The following HOXB2 variants were observed in gnomAD, a reference collection of about 807,000 sequenced individuals.
HOXB2 encodes homeobox protein Hox-B2.
Under a neutral mutation model 13.1 loss-of-function variants are expected in HOXB2, and 14 were observed. The observed-to-expected ratio is 1.07, with a 90% CI of 0.71 to 1.67. HOXB2 has a LOEUF of 1.67. Ranked by LOEUF, HOXB2 falls within the 40% of genes most tolerant of loss-of-function variation. The pLI, the probability that HOXB2 is intolerant of heterozygous loss-of-function variation, is 0.00. For synonymous variants in HOXB2, 261 were observed against 233.1 expected (o/e 1.12, Z -1.09); for missense variants, 582 against 488.3 (o/e 1.19, Z -1.81).
rs145349724 is a variant in HOXB2, at chr17:48,544,866, G to A, written c.46C>T (p.Pro16Ser). 274 of 1,612,532 alleles carry A rather than the reference G, an allele frequency of 1.7e-4. No individual in the cohort carries two copies. Among genetic ancestry groups the A allele is most frequent in the Non-Finnish European group, 2.2e-4 (258 of 1,179,788 alleles). The change falls in exon 1 of 2, where the codon CCG (proline) becomes TCG (serine). Residue 16 changes from proline to serine, a missense_variant. Pro to Ser is a moderately conservative substitution (Grantham distance 74). Transcript: ENST00000330070. ...EREIGFINSQ[P>S]SLAECLTSFP... ...GAAGTCAGACACTCGGCGAGCGACG[G>A]CTGGCTGTTTATAAACCCAATCTCC...
Position 48,544,632 on chromosome 17 carries a change from CG to C in HOXB2, c.279del (p.Glu94SerfsTer5), listed in dbSNP as rs2068548080. On this transcript the variant is annotated frameshift_variant, in exon 1 of 2. Transcript: ENST00000330070. LOFTEE classifies it high-confidence loss of function. ...PPPLPAAPPA[P>X]EFPWMKEKKS... ...TTCTTCTCTTTCATCCAAGGGAACT[CG>C]GGGGCCGGGGGGGCAGCGGGGAGTG... 6.8e-6 allele frequency: 11 copies of C among 1,611,174 alleles called. No homozygotes were observed. Among genetic ancestry groups the C allele is most frequent in the South Asian group, 1.1e-5 (1 of 90,972 alleles).
Position 48,545,035 on chromosome 17 carries a change from G to A in HOXB2, c.-124C>T. 4.9e-6 allele frequency: 4 copies of A among 820,076 alleles called. No individual in the cohort carries two copies. In the South Asian group the frequency reaches 7.9e-5, roughly 16 times the overall value. The allele number at this position is 820,076 out of a possible 1,614,324, so 50.8% of individuals were successfully genotyped here. A position where few individuals can be genotyped will look rare whatever the true frequency, so the allele number is the denominator to read the frequency against. ...GCGATTTTGGGAGGGGGAGATTTCG[G>A]TCTCTCTTTTTTTTAATTTTGGGCC... On this transcript the variant is annotated 5_prime_UTR_variant, in exon 1 of 2. Coordinates refer to ENST00000330070, the MANE Select transcript of HOXB2 (RefSeq NM_002145.4).
chr17:48,542,896 G>A lies in HOXB2; in HGVS notation c.*172C>T, dbSNP rs536077485. ...TGTGTGAATTTTAAAAGATAACCGAGTGCCCAATATTTTAGAAGAAGAAGA... is the reference window on the plus strand; with the variant it reads ...TGTGTGAATTTTAAAAGATAACCGAATGCCCAATATTTTAGAAGAAGAAGA... On this transcript the variant is annotated 3_prime_UTR_variant, in exon 2 of 2. Transcript: ENST00000330070. 11 of 451,508 alleles carry A rather than the reference G, an allele frequency of 2.4e-5. No homozygotes were observed. The South Asian group carries it at 8.4e-4, about 34-fold the overall frequency. The allele number at this position is 451,508 out of a possible 1,614,324, so 28.0% of individuals were successfully genotyped here.
chr17:48,544,983 T>C lies in HOXB2; in HGVS notation c.-72A>G. On this transcript the variant is annotated 5_prime_UTR_variant, in exon 1 of 2. Transcript: ENST00000330070. ...GGAGGATCGGAAGGGACCCCCCTCC[T>C]GCACCCCCCCCGATTTATGTAATGG... The C allele has an allele frequency of 8.4e-7, 1 of 1,185,720 alleles. No individual in the cohort carries two copies. Among genetic ancestry groups the C allele is most frequent in the Non-Finnish European group, 1.2e-6 (1 of 866,612 alleles). The allele number at this position is 1,185,720 out of a possible 1,614,324, so 73.4% of individuals were successfully genotyped here.
Position 48,544,633 on chromosome 17 carries a change from G to T in HOXB2, c.279C>A (p.Pro93=). 1 of 1,611,634 alleles carries T rather than the reference G, an allele frequency of 6.2e-7. No individual in the cohort carries two copies. Among genetic ancestry groups the T allele is most frequent in the Non-Finnish European group, 8.5e-7 (1 of 1,179,568 alleles). The change falls in exon 1 of 2, where the codon CCC becomes CCA. Residue 93 remains proline, a synonymous_variant. Coordinates refer to ENST00000330070, the MANE Select transcript of HOXB2 (RefSeq NM_002145.4). The part of the protein sequence containing the change: ...PPPLPAAPPA[P]EFPWMKEKKS... ...TCTTCTCTTTCATCCAAGGGAACTC[G>T]GGGGCCGGGGGGGCAGCGGGGAGTG... is the stretch of plus-strand genomic sequence containing the variant.
At position 48,544,560 on chromosome 17, in the gene HOXB2, C is replaced by T. The variant is rs371222032; in HGVS notation, c.352G>A (p.Ala118Thr). The change falls in exon 1 of 2, where the codon GCC becomes ACC. Residue 118 changes from alanine to threonine, a missense_variant. Ala to Thr is a moderately conservative substitution (Grantham distance 58). Coordinates refer to ENST00000330070, the MANE Select transcript of HOXB2 (RefSeq NM_002145.4). The stretch of plus-strand genomic sequence containing the variant: ...ACCCCGGAGGCCGGAACGGCGGAGG[C>T]GGCCGGAGAAGGAGACGTGGCGGAT... ...SQSATSPSPA[A>T]SAVPASGVGS... is the part of the protein sequence containing the mutation. The T allele has an allele frequency of 4.1e-5, 66 of 1,606,802 alleles. No individual in the cohort carries two copies. Among genetic ancestry groups the T allele is most frequent in the Non-Finnish European group, 4.9e-5 (58 of 1,179,892 alleles).
chr17:48,544,422 C>G, intron 1 of HOXB2, 99 bp downstream of exon 1: 2 of 1,461,006 alleles, frequency 1.4e-6, no homozygotes, highest in Non-Finnish European at 1.8e-6. Context: ...GGTAAGGAAC[C>G]CCAACAGGCT....
chr17:48,543,864 C>T (rs1598738762), intron 1 of HOXB2, 117 bp from the exon 2 acceptor site: 3 of 789,824 alleles, frequency 3.8e-6, no homozygotes, highest in Admixed American at 3.1e-5. Flanking sequence ...CACCCCACCC[C>T]CGCCCCCACC....
In HOXB2 at chr17:48,544,939, C is replaced by CGGG; in HGVS notation, c.-29_-28insCCC. The CGGG allele has an allele frequency of 3.1e-5, 13 of 414,242 alleles. No homozygotes were observed. The highest frequency in any genetic ancestry group is 4.6e-4 in the Middle Eastern group (1 of 2,178). 25.7% of individuals were successfully genotyped at this position (414,242 alleles called of 1,614,324 possible). Reference sequence around the variant, plus strand: ...CTTTCAATGGTGGGGGAGGGGGCTGCTGGGGGGGGCGTCAGGAGGGAGGAT... The same window carrying CGGG: ...CTTTCAATGGTGGGGGAGGGGGCTGCGGGTGGGGGGGGCGTCAGGAGGGAGGAT... On this transcript the variant is annotated 5_prime_UTR_variant, in exon 1 of 2. Transcript: ENST00000330070.
At chr17:48,543,961 G>T (rs780218965) in intron 1 of HOXB2, 7 of 1,313,366 alleles carry the variant, frequency 5.3e-6, no homozygotes, top group Non-Finnish European at 6.7e-6. Flanking sequence ...AAAGCATTCA[G>T]AGCCGCCCAC....
At position 48,544,757 on chromosome 17, in the gene HOXB2, G is replaced by C; in HGVS notation, c.155C>G (p.Thr52Ser). 1.2e-6 allele frequency: 2 copies of C among 1,614,162 alleles called. No individual in the cohort carries two copies. The highest frequency in any genetic ancestry group is 1.7e-6 in the Non-Finnish European group (2 of 1,180,038). ...LIPPPPPFEQ[T>S]FPSLQPGAST... ...GGCGCCGGGCTGGAGGCTGGGGAAG[G>C]TTTGCTCGAAAGGAGGAGGAGGAGG... Residue 52 changes from threonine (T) to serine (S), a missense_variant, in exon 1 of 2, where the codon ACC becomes AGC. Physicochemically the swap from Thr to Ser is moderately conservative, Grantham distance 58. Coordinates refer to ENST00000330070, the MANE Select transcript of HOXB2 (RefSeq NM_002145.4).
In HOXB2 at chr17:48,542,928, G is replaced by C; in HGVS notation, c.*140C>G. 1 of 535,964 alleles carries C rather than the reference G, an allele frequency of 1.9e-6. No homozygotes were observed. 33.2% of individuals were successfully genotyped at this position (535,964 alleles called of 1,614,324 possible). A position where few individuals can be genotyped will look rare whatever the true frequency, so the allele number is the denominator to read the frequency against. ...ATATTTTAGAAGAAGAAGAAAGGGA[G>C]TGGATTAAACGCTAATTCAGTAATA... On this transcript the variant is annotated 3_prime_UTR_variant, in exon 2 of 2. Transcript: ENST00000330070.
At position 48,544,811 on chromosome 17, in the gene HOXB2, G is replaced by A. The variant is rs150034228; in HGVS notation, c.101C>T (p.Thr34Ile). 3.7e-6 allele frequency: 6 copies of A among 1,613,900 alleles called. No homozygotes were observed. The African/African-American group carries it at 6.7e-5, about 18-fold the overall frequency. ...SFPAVLETFQTSSIKESTLIP... is the reference protein window; with the variant it reads ...SFPAVLETFQISSIKESTLIP... ...TAATGTCGACTCCTTGATTGATGAA[G>A]TTTGAAATGTCTCCAAGACAGCGGG... is the stretch of plus-strand genomic sequence containing the variant. The change falls in exon 1 of 2, where the codon ACT becomes ATT. Residue 34 changes from threonine to isoleucine, a missense_variant. Transcript: ENST00000330070.
In HOXB2 at chr17:48,544,964, T is replaced by C; in HGVS notation, c.-53A>G. 8.4e-7 allele frequency: 1 copy of C among 1,190,852 alleles called. No homozygotes were observed. Among genetic ancestry groups the C allele is most frequent in the Non-Finnish European group, 1.1e-6 (1 of 922,630 alleles). The allele number at this position is 1,190,852 out of a possible 1,614,324, so 73.8% of individuals were successfully genotyped here. A position where few individuals can be genotyped will look rare whatever the true frequency, so the allele number is the denominator to read the frequency against. On this transcript the variant is annotated 5_prime_UTR_variant, in exon 1 of 2. Coordinates refer to ENST00000330070, the MANE Select transcript of HOXB2 (RefSeq NM_002145.4). ...CTGGGGGGGGCGTCAGGAGGGAGGA[T>C]CGGAAGGGACCCCCCTCCTGCACCC...
rs1261296682 is a variant in HOXB2 at position 48,544,770 on chromosome 17, G to T, written c.142C>A (p.Pro48Thr). 4 of 1,606,710 alleles carry T rather than the reference G, an allele frequency of 2.5e-6. No individual in the cohort carries two copies. The highest frequency in any genetic ancestry group is 2.7e-5 in the African/African-American group (2 of 74,554). Reference sequence around the variant, plus strand: ...AGGCTGGGGAAGGTTTGCTCGAAAGGAGGAGGAGGAGGAATTAATGTCGAC... The same window carrying T: ...AGGCTGGGGAAGGTTTGCTCGAAAGTAGGAGGAGGAGGAATTAATGTCGAC... ...KESTLIPPPP[P>T]FEQTFPSLQP... The change falls in exon 1 of 2, where the codon CCT becomes ACT. Residue 48 changes from proline to threonine, a missense_variant. Pro to Thr is a conservative substitution (Grantham distance 38). Transcript: ENST00000330070.
chr17:48,544,727 G>A lies in HOXB2; in HGVS notation c.185C>T (p.Thr62Ile), dbSNP rs946546183. ...CTTTTGGCTCCTGGGTCTCTGAAGGGTGGAGGCGCCGGGCTGGAGGCTGGG... is the reference window on the plus strand; with the variant it reads ...CTTTTGGCTCCTGGGTCTCTGAAGGATGGAGGCGCCGGGCTGGAGGCTGGG... ...TFPSLQPGAS[T>I]LQRPRSQKRA... Residue 62 changes from threonine to isoleucine, a missense_variant, in exon 1 of 2, where the codon ACC becomes ATC. Coordinates refer to ENST00000330070, the MANE Select transcript of HOXB2 (RefSeq NM_002145.4). 1.2e-6 allele frequency: 2 copies of A among 1,614,134 alleles called. No homozygotes were observed. The highest frequency in any genetic ancestry group is 3.3e-5 in the Admixed American group (2 of 60,020).
rs752214609 is a variant in HOXB2 at position 48,543,354 on chromosome 17, G to A, written c.785C>T (p.Pro262Leu). 3.1e-6 allele frequency: 5 copies of A among 1,595,398 alleles called. No individual in the cohort carries two copies. Among genetic ancestry groups the A allele is most frequent in the Admixed American group, 3.5e-5 (2 of 57,904 alleles). The change falls in exon 2 of 2, where the codon CCT (proline) becomes CTT (leucine). Residue 262 changes from proline to leucine, a missense_variant. Physicochemically the swap from Pro to Leu is moderately conservative, Grantham distance 98. Transcript: ENST00000330070. ...VPGALSADPR[P>L]LAVRLEGAGA... ...TGCGCCCTCTAAGCGAACGGCTAAA[G>A]GCCGGGGGTCCGCGCTTAAGGCCCC...
At position 48,545,109 on chromosome 17, in the gene HOXB2, T is replaced by C; in HGVS notation, c.-198A>G. 2 of 485,720 alleles carry C rather than the reference T, an allele frequency of 4.1e-6. No homozygotes were observed. Among genetic ancestry groups the C allele is most frequent in the Non-Finnish European group, 7.1e-6 (2 of 281,260 alleles). 30.1% of individuals were successfully genotyped at this position (485,720 alleles called of 1,614,324 possible). ...AATACAAGCGTATGGGGACTCTCTC[T>C]ATTAAACCCAGGACTCCAGCGAAAT... is the stretch of plus-strand genomic sequence containing the variant. On this transcript the variant is annotated 5_prime_UTR_variant, in exon 1 of 2. Transcript: ENST00000330070.
Position 48,543,018 on chromosome 17 carries a change from T to G in HOXB2, c.*50A>C, listed in dbSNP as rs780022324. On this transcript the variant is annotated 3_prime_UTR_variant, in exon 2 of 2. Coordinates refer to ENST00000330070, the MANE Select transcript of HOXB2 (RefSeq NM_002145.4). ...GGTGGGAGAGGCTCGATTTTTCCAGTAGACGGCCAAGGAGCGCGGGGGTCG... is the reference window on the plus strand; with the variant it reads ...GGTGGGAGAGGCTCGATTTTTCCAGGAGACGGCCAAGGAGCGCGGGGGTCG... 6.8e-7 allele frequency: 1 copy of G among 1,472,170 alleles called. No homozygotes were observed. Among genetic ancestry groups the G allele is most frequent in the East Asian group, 2.4e-5 (1 of 42,144 alleles). The allele number at this position is 1,472,170 out of a possible 1,614,324, so 91.2% of individuals were successfully genotyped here. A position where few individuals can be genotyped will look rare whatever the true frequency, so the allele number is the denominator to read the frequency against.
Sources: gnomAD v4.1 joint callset for allele counts on GRCh38, gnomAD v4.1.1 for gene constraint, MANE v1.5 for transcripts, NCBI Gene and HGNC (gene_info 2026-07-23, HGNC 2026-07-21) for gene names.